Variants in PRKCQ observed in about 807,000 individuals in gnomAD.
PRKCQ encodes the protein protein kinase C theta.
A neutral mutation model predicts 91.2 loss-of-function variants in PRKCQ; 41 were observed. The ratio of observed to expected loss-of-function variants is 0.45; its 90% CI spans 0.35 to 0.58. PRKCQ has a LOEUF of 0.58. Among genes scored for constraint, PRKCQ ranks in the 20% least tolerant of loss-of-function variants. The probability of loss-of-function intolerance (pLI) is 0.00; values close to 1 mark genes in which losing one functional copy is unlikely to be tolerated. For missense variants in PRKCQ, 673 were observed against 896.5 expected (o/e 0.75, Z 3.18); for synonymous variants, 307 against 316.9 (o/e 0.97, Z 0.33).
chr10:6,521,953 A>T lies in PRKCQ; in HGVS notation c.-9-6809T>A, dbSNP rs138474897. 2.7e-3 allele frequency among the ~76,000 whole-genome samples: 404 copies of T among 151,536 alleles called. 6 individuals carry two copies. The East Asian group carries it at 0.049, about 18-fold the overall frequency. On this transcript the variant is annotated intron_variant, in intron 1 of 17. Transcript: ENST00000263125. ...TATTTATTTATTTATTTATTTATTT[A>T]TTTTTTTGAGACGGAGTCTCGCCCT...
intron 1 of PRKCQ, among the ~76,000 whole-genome samples, chr10:6,553,007 G>A (rs1408217618): frequency 2.0e-5 from 3 of 152,150 alleles, no homozygotes; most frequent in Non-Finnish European, 2.9e-5. Context: ...AAGTGGCACT[G>A]TTTGACACTT....
At chr10:6,419,502 C>G in the PRKCQ span, among the ~76,000 whole-genome samples, 1 of 152,126 alleles carries the variant, frequency 6.6e-6, no homozygotes, top group East Asian at 1.9e-4. Flanking sequence ...GGTTGTAACT[C>G]TCAGTTTGAT....
intron 12 of PRKCQ, among the ~76,000 whole-genome samples, chr10:6,473,462 G>A (rs1284420911): frequency 6.6e-6 from 1 of 152,262 alleles, no homozygotes; most frequent in Non-Finnish European, 1.5e-5. Context: ...CATAGCAGGG[G>A]AACCTGCAGA....
At chr10:6,482,099 AGAG>A (rs1836635118) in intron 11 of PRKCQ, among the ~76,000 whole-genome samples, 2 of 150,896 alleles carry the variant, frequency 1.3e-5, no homozygotes, top group African/African-American at 4.9e-5. Context: ...GGAAGAATTT[AGAG>A]GAGGGACTTT....
At chr10:6,439,533 C>T (rs1005238629) in intron 16 of PRKCQ, among the ~76,000 whole-genome samples, 1 of 152,106 alleles carries the variant, frequency 6.6e-6, no homozygotes, top group African/African-American at 2.4e-5. Context: ...CTTCCACCTC[C>T]TCCACCTCTT....
At chr10:6,410,772 T>C in the PRKCQ span, among the ~76,000 whole-genome samples, 3 of 151,968 alleles carry the variant, frequency 2.0e-5, no homozygotes, top group African/African-American at 7.3e-5. Flanking sequence ...CACCTGAGGT[T>C]AGGAGTTCAA....
At chr10:6,533,126 C>T (rs1197762048) in intron 1 of PRKCQ, among the ~76,000 whole-genome samples, 1 of 152,044 alleles carries the variant, frequency 6.6e-6, no homozygotes, top group Non-Finnish European at 1.5e-5. Context: ...TATCAACATC[C>T]CCCACCAGAG....
chr10:6,468,505 C>T (rs1344032107), intron 12 of PRKCQ, among the ~76,000 whole-genome samples: 3 of 152,070 alleles, frequency 2.0e-5, no homozygotes, highest in Admixed American at 6.5e-5. Context: ...TTTTATCAGA[C>T]TAATAACAGT....
At chr10:6,446,065 A>G (rs926218103) in intron 15 of PRKCQ, among the ~76,000 whole-genome samples, 9 of 152,174 alleles carry the variant, frequency 5.9e-5, no homozygotes, top group African/African-American at 2.2e-4. Context: ...GCAAACTCAC[A>G]CGTGCAGCAG....
At chr10:6,492,257 T>A (rs1327586398) in intron 7 of PRKCQ, among the ~76,000 whole-genome samples, 8 of 142,170 alleles carry the variant, frequency 5.6e-5, no homozygotes, top group Non-Finnish European at 1.2e-4. Context: ...AAAAAAAAAA[T>A]GCCTTCTTTA....
At chr10:6,554,229 G>A (rs775107089) in intron 1 of PRKCQ, among the ~76,000 whole-genome samples, 6 of 152,124 alleles carry the variant, frequency 3.9e-5, no homozygotes, top group Non-Finnish European at 8.8e-5. Context: ...AAGCAACCAA[G>A]GCCAGTTGGT....
At chr10:6,426,280 T>C (rs1265730439), downstream of PRKCQ, among the ~76,000 whole-genome samples, 1 of 152,166 alleles carries the variant, frequency 6.6e-6, no homozygotes, top group Non-Finnish European at 1.5e-5. Flanking sequence ...CTCCATTACT[T>C]GGAGGCCCCA....
At chr10:6,471,591 G>GA (rs34504591) in intron 12 of PRKCQ, among the ~76,000 whole-genome samples, 29,414 of 151,366 alleles carry the variant, frequency 0.19, 3,008 homozygotes, top group Non-Finnish European at 0.21. Flanking sequence ...AAAATACCAA[G>GA]AAAAAAAAAT....
Position 6,483,584 on chromosome 10 carries a change from G to A in PRKCQ, c.1035C>T (p.Ser345=). 6.2e-7 allele frequency: 1 copy of A among 1,614,158 alleles called. No homozygotes were observed. The highest frequency in any genetic ancestry group is 8.5e-7 in the Non-Finnish European group (1 of 1,180,024). The change falls in exon 11 of 18, where the codon TCC becomes TCT. Residue 345 remains serine (S), a synonymous_variant. Coordinates refer to ENST00000263125, the MANE Select transcript of PRKCQ (RefSeq NM_006257.5). The part of the protein sequence containing the change: ...TPGKREPQGI[S]WESPLDEVDK... ...CCACCTCATCCAACGGAGACTCCCA[G>A]GAAATGCCCTGAGGCTCTGAAAATG...
chr10:6,399,021 A>C, the PRKCQ span, among the ~76,000 whole-genome samples: 1 of 152,190 alleles, frequency 6.6e-6, no homozygotes, highest in African/African-American at 2.4e-5. Flanking sequence ...TCAGCCTCCC[A>C]AAGTGCTGAG....
At chr10:6,554,476 T>C (rs759676965) in intron 1 of PRKCQ, among the ~76,000 whole-genome samples, 4 of 152,216 alleles carry the variant, frequency 2.6e-5, no homozygotes, top group Non-Finnish European at 4.4e-5. Flanking sequence ...GGGGAAATGC[T>C]GTGGCCTCTG....
At chr10:6,473,894 G>A (rs893799169) in intron 12 of PRKCQ, among the ~76,000 whole-genome samples, 10 of 152,050 alleles carry the variant, frequency 6.6e-5, no homozygotes, top group African/African-American at 2.4e-4. Flanking sequence ...ATAATATCTT[G>A]TAGTTAGTAT....
At chr10:6,494,475 T>C (rs540207399) in intron 7 of PRKCQ, among the ~76,000 whole-genome samples, 4 of 3,590 alleles carry the variant, frequency 1.1e-3, no homozygotes, top group African/African-American at 1.3e-3. Context: ...CAGTCACCCT[T>C]CTGCAGGTCA....
chr10:6,489,233 C>A (rs1449636236), intron 8 of PRKCQ, among the ~76,000 whole-genome samples: 4 of 152,090 alleles, frequency 2.6e-5, no homozygotes, highest in African/African-American at 9.7e-5. Flanking sequence ...TATGCATCAC[C>A]GTGACACCAA....
Sources: allele counts gnomAD v4.1 joint callset (sites outside exome capture counted in the v4.1 genomes callset), GRCh38; gene constraint gnomAD v4.1.1; transcripts MANE v1.5; gene names NCBI Gene and HGNC (gene_info 2026-07-23, HGNC 2026-07-21).